The following ARHGEF28 variants were observed in gnomAD, a reference collection of about 807,000 sequenced individuals.
ARHGEF28 encodes Rho guanine nucleotide exchange factor 28.
ARHGEF28 carries 152 observed loss-of-function variants against 206.6 expected under a neutral mutation model. The ratio of observed to expected loss-of-function variants is 0.74; its 90% CI spans 0.64 to 0.84. The LOEUF is 0.84. Among genes scored for constraint, ARHGEF28 ranks in the 40% least tolerant of loss-of-function variants. The pLI, the probability that ARHGEF28 is intolerant of heterozygous loss-of-function variation, is 0.00. For synonymous variants in ARHGEF28, 763 were observed against 776.4 expected (o/e 0.98, Z 0.29); for missense variants, 2,028 against 2,073.2 (o/e 0.98, Z 0.42).
Position 73,858,142 on chromosome 5 carries a change from C to T in ARHGEF28, c.1970C>T (p.Pro657Leu). ...AAGCTGAATCGACATCAGTTTGCCC[C>T]AGGAACATTCTCTGGGGTTCTGCAG... Reference protein sequence around the residue: ...KEKLNRHQFAPGTFSGVLQCL... With the variant: ...KEKLNRHQFALGTFSGVLQCL... The change falls in exon 16 of 36, where the codon CCA (proline) becomes CTA (leucine). Residue 657 changes from proline to leucine, a missense_variant. Pro to Leu is a moderately conservative substitution (Grantham distance 98). Around this residue, in one of 3 missense-constraint regions of ARHGEF28, gnomAD observed 1,002 missense variants for 1,015.3 expected, o/e 0.99. Transcript: ENST00000513042. 1 of 1,612,332 alleles carries T rather than the reference C, an allele frequency of 6.2e-7. No homozygotes were observed. The highest frequency in any genetic ancestry group is 8.5e-7 in the Non-Finnish European group (1 of 1,179,416).
At chr5:73,853,483 T>A (rs1758828050) in intron 14 of ARHGEF28, among the ~76,000 whole-genome samples, 1 of 152,256 alleles carries the variant, frequency 6.6e-6, no homozygotes, top group Admixed American at 6.5e-5. Context: ...CAAGATGGGG[T>A]GTTTCGTTTT....
At chr5:73,761,006 G>A (rs1752574291) in intron 4 of ARHGEF28, among the ~76,000 whole-genome samples, 1 of 152,160 alleles carries the variant, frequency 6.6e-6, no homozygotes, top group African/African-American at 2.4e-5. Flanking sequence ...TTGGATTCCG[G>A]TCACTCTCTC....
intron 2 of ARHGEF28, among the ~76,000 whole-genome samples, chr5:73,733,168 T>A (rs72770845): frequency 0.31 from 46,394 of 151,936 alleles, 7,550 homozygotes; most frequent in African/African-American, 0.42. Flanking sequence ...GTCCCCAAAG[T>A]CCATTGTATC....
intron 35 of ARHGEF28, among the ~76,000 whole-genome samples, chr5:73,919,122 T>C (rs929781644): frequency 6.6e-6 from 1 of 152,188 alleles, no homozygotes; most frequent in Non-Finnish European, 1.5e-5. Flanking sequence ...ATGCCTGGCC[T>C]GTCCCGGGGA....
chr5:73,732,517 C>A (rs966924988), intron 2 of ARHGEF28, among the ~76,000 whole-genome samples: 5 of 152,158 alleles, frequency 3.3e-5, no homozygotes, highest in Admixed American at 1.3e-4. Flanking sequence ...TTTGGCAATT[C>A]TGAATAGAGC....
chr5:73,770,921 G>A (rs1358835983), intron 4 of ARHGEF28, among the ~76,000 whole-genome samples: 2 of 152,228 alleles, frequency 1.3e-5, no homozygotes, highest in East Asian at 3.9e-4. Flanking sequence ...GCCAGAAGGA[G>A]AGAAGAGGGA....
chr5:73,762,025 G>T (rs2112423892), intron 4 of ARHGEF28, among the ~76,000 whole-genome samples: 1 of 149,820 alleles, frequency 6.7e-6, no homozygotes, highest in African/African-American at 2.5e-5. Flanking sequence ...AGAGATGAAG[G>T]TCTTGCTATA....
intron 14 of ARHGEF28, among the ~76,000 whole-genome samples, chr5:73,856,011 A>ACTCTT (rs1015403935): frequency 2.0e-5 from 3 of 151,994 alleles, no homozygotes; most frequent in Admixed American, 6.6e-5. Flanking sequence ...TCTCCTCATC[A>ACTCTT]CTCTTCTCTT....
Position 73,910,945 on chromosome 5 carries a change from A to G in ARHGEF28, c.4648-330A>G, listed in dbSNP as rs190257535. On this transcript the variant is annotated intron_variant, in intron 34 of 35. Coordinates refer to ENST00000513042, the MANE Select transcript of ARHGEF28 (RefSeq NM_001177693.2). ...AAATTATGTTTATTGCAAACTCCTC[A>G]TGTATATATGGATATGTTTTCAACT... is the stretch of plus-strand genomic sequence containing the variant. Among the ~76,000 whole-genome samples, 275 of 152,294 alleles carry G rather than the reference A, an allele frequency of 1.8e-3. 3 individuals are homozygous for G. The highest frequency in any genetic ancestry group is 1.9e-4 in the East Asian group (1 of 5,192).
At chr5:73,920,390 A>G (rs1272903175) in intron 35 of ARHGEF28, among the ~76,000 whole-genome samples, 1 of 152,160 alleles carries the variant, frequency 6.6e-6, no homozygotes, top group Non-Finnish European at 1.5e-5. Context: ...TACTATATGT[A>G]TCAGTTTGGC....
chr5:73,846,486 T>C lies in ARHGEF28; in HGVS notation c.1635+11T>C. On this transcript the variant is annotated intron_variant, in intron 12 of 35. Coordinates refer to ENST00000513042, the MANE Select transcript of ARHGEF28 (RefSeq NM_001177693.2). ...AATCTACAGTCGAAGGTATTCTTATTGCTATTAATTTGGTATATTGCAAGT... is the reference window on the plus strand; with the variant it reads ...AATCTACAGTCGAAGGTATTCTTATCGCTATTAATTTGGTATATTGCAAGT... The C allele has an allele frequency of 1.9e-6, 3 of 1,609,904 alleles. No homozygotes were observed. The highest frequency in any genetic ancestry group is 1.7e-4 in the Middle Eastern group (1 of 6,042).
At chr5:73,648,518 T>C (rs1744587761) in intron 1 of ARHGEF28, among the ~76,000 whole-genome samples, 1 of 152,218 alleles carries the variant, frequency 6.6e-6, no homozygotes, top group African/African-American at 2.4e-5. Flanking sequence ...CAGCAAAACT[T>C]ATCAATGATT....
At chr5:73,907,823 C>T (rs1308410035) in intron 33 of ARHGEF28, among the ~76,000 whole-genome samples, 1 of 152,138 alleles carries the variant, frequency 6.6e-6, no homozygotes, top group East Asian at 1.9e-4. Context: ...AAAGAATGGC[C>T]TTATCCCAAA....
At chr5:73,814,830 T>C (rs141097855) in intron 9 of ARHGEF28, among the ~76,000 whole-genome samples, 142 of 152,236 alleles carry the variant, frequency 9.3e-4, no homozygotes, top group Non-Finnish European at 1.7e-3. Flanking sequence ...GCTTGTTTGC[T>C]CTTTAGCTTA....
At chr5:73,766,520 T>C (rs1752907774) in intron 4 of ARHGEF28, among the ~76,000 whole-genome samples, 1 of 152,186 alleles carries the variant, frequency 6.6e-6, no homozygotes, top group Non-Finnish European at 1.5e-5. Flanking sequence ...AAGGAAGATA[T>C]AGGTTTGTAT....
intron 10 of ARHGEF28, among the ~76,000 whole-genome samples, chr5:73,835,912 A>G (rs577611664): frequency 1.3e-5 from 2 of 152,302 alleles, no homozygotes; most frequent in East Asian, 3.9e-4. Context: ...TCCTTGCTGC[A>G]TGTCGGGGGA....
chr5:73,784,520 C>T (rs1159597919), intron 7 of ARHGEF28, among the ~76,000 whole-genome samples: 1 of 152,158 alleles, frequency 6.6e-6, no homozygotes, highest in East Asian at 1.9e-4. Context: ...CCCTTGCCTT[C>T]TTATCCTTGT....
chr5:73,737,033 C>T (rs1464596209), intron 2 of ARHGEF28, among the ~76,000 whole-genome samples: 1 of 152,104 alleles, frequency 6.6e-6, no homozygotes, highest in Non-Finnish European at 1.5e-5. Context: ...GATGGGCTCC[C>T]CAGAATGGGG....
chr5:73,853,157 A>C (rs1235885306), intron 14 of ARHGEF28, among the ~76,000 whole-genome samples: 1 of 152,250 alleles, frequency 6.6e-6, no homozygotes, highest in African/African-American at 2.4e-5. Context: ...GAAGACTTTT[A>C]AGCATGATCA....
Sources: allele counts gnomAD v4.1 joint callset (sites outside exome capture counted in the v4.1 genomes callset), GRCh38; gene constraint gnomAD v4.1.1; regional missense constraint gnomAD v4.1.1; transcripts MANE v1.5; gene names NCBI Gene and HGNC (gene_info 2026-07-23, HGNC 2026-07-21).